Variants in BPNT2 observed in about 807,000 individuals in gnomAD.
The protein encoded by BPNT2 is 3'(2'), 5'-bisphosphate nucleotidase 2, also known as Golgi-resident adenosine 3',5'-bisphosphate 3'-phosphatase.
BPNT2 carries 11 observed loss-of-function variants against 29.3 expected under a neutral mutation model. The ratio of observed to expected loss-of-function variants is 0.38; its 90% CI spans 0.24 to 0.62. BPNT2 has a LOEUF of 0.62. Among genes scored for constraint, BPNT2 ranks in the 20% least tolerant of loss-of-function variants. BPNT2 has a pLI of 0.62. For synonymous variants in BPNT2, 195 were observed against 187.7 expected (o/e 1.04, Z -0.32); for missense variants, 459 against 473.4 (o/e 0.97, Z 0.28).
chr8:56,973,011 A>C (rs1203700772), intron 3 of BPNT2, among the ~76,000 whole-genome samples: 11 of 152,166 alleles, frequency 7.2e-5, no homozygotes, highest in Non-Finnish European at 1.6e-4. Context: ...CAAAACCGCT[A>C]ACCCCCGAGT....
chr8:56,991,213 A>G (rs1806411299), intron 1 of BPNT2, among the ~76,000 whole-genome samples: 1 of 152,230 alleles, frequency 6.6e-6, no homozygotes, highest in Non-Finnish European at 1.5e-5. Flanking sequence ...TGTATAAATG[A>G]TCACAAACCT....
At chr8:56,977,639 T>G (rs962501765) in intron 3 of BPNT2, among the ~76,000 whole-genome samples, 1 of 152,136 alleles carries the variant, frequency 6.6e-6, no homozygotes, top group Non-Finnish European at 1.5e-5. Flanking sequence ...TACGTTGAGA[T>G]GAGGTCACAC....
intron 2 of BPNT2, among the ~76,000 whole-genome samples, chr8:56,978,942 T>C (rs1806194082): frequency 6.6e-6 from 1 of 152,158 alleles, no homozygotes; most frequent in Admixed American, 6.6e-5. Context: ...TAATGGATAC[T>C]AGGCTTAATA....
At chr8:56,985,219 C>T (rs1806310059) in intron 1 of BPNT2, among the ~76,000 whole-genome samples, 1 of 152,116 alleles carries the variant, frequency 6.6e-6, no homozygotes, top group African/African-American at 2.4e-5. Flanking sequence ...AAATTTTCTT[C>T]ATTACTGTAG....
intron 1 of BPNT2, among the ~76,000 whole-genome samples, chr8:56,989,117 T>C (rs1487456110): frequency 1.3e-5 from 2 of 152,176 alleles, no homozygotes; most frequent in Non-Finnish European, 2.9e-5. Context: ...CCGCCTTATA[T>C]AGAGAATTAG....
At chr8:56,980,853 A>ACACAC (rs1806229401) in intron 1 of BPNT2, among the ~76,000 whole-genome samples, 5 of 111,046 alleles carry the variant, frequency 4.5e-5, no homozygotes, top group East Asian at 3.4e-4. Context: ...CACACACACA[A>ACACAC]ACCCCCCTTA....
chr8:56,963,647 A>G lies in BPNT2; in HGVS notation c.*146T>C, dbSNP rs1020922398. ...CCTGATTTTGCATTCTATTACAGGG[A>G]AAATAAGTCTCTGATGCTTCATAAA... On this transcript the variant is annotated 3_prime_UTR_variant, in exon 5 of 5. Coordinates refer to ENST00000262644, the MANE Select transcript of BPNT2 (RefSeq NM_017813.5). 5 of 846,280 alleles carry G rather than the reference A, an allele frequency of 5.9e-6. No individual in the cohort carries two copies. The highest frequency in any genetic ancestry group is 9.5e-6 in the Non-Finnish European group (5 of 527,706). The allele number at this position is 846,280 out of a possible 1,614,324, so 52.4% of individuals were successfully genotyped here. A position where few individuals can be genotyped will look rare whatever the true frequency, so the allele number is the denominator to read the frequency against.
chr8:56,977,112 T>C (rs1806153756), intron 3 of BPNT2, among the ~76,000 whole-genome samples: 1 of 152,204 alleles, frequency 6.6e-6, no homozygotes, highest in Non-Finnish European at 1.5e-5. Context: ...CTATCTCCAA[T>C]ATATCTCATT....
At chr8:56,977,464 G>A (rs1806160432) in intron 3 of BPNT2, among the ~76,000 whole-genome samples, 1 of 151,990 alleles carries the variant, frequency 6.6e-6, no homozygotes, top group Non-Finnish European at 1.5e-5. Context: ...CACTCTAATT[G>A]GCTTAAGAAC....
intron 2 of BPNT2, among the ~76,000 whole-genome samples, chr8:56,978,377 T>C (rs1238678544): frequency 1.3e-5 from 2 of 152,126 alleles, no homozygotes; most frequent in Non-Finnish European, 2.9e-5. Flanking sequence ...ATGGCTATTA[T>C]TAAAAAGTCA....
rs1805850246 is a variant in BPNT2, at chr8:56,962,242, T to C, written c.*1551A>G. 6.6e-6 allele frequency: 1 copy of C among 152,226 alleles called. No individual in the cohort carries two copies. Among genetic ancestry groups the C allele is most frequent in the Admixed American group, 6.5e-5 (1 of 15,282 alleles). The allele number at this position is 152,226 out of a possible 1,614,324, so 9.4% of individuals were successfully genotyped here. On this transcript the variant is annotated 3_prime_UTR_variant, in exon 5 of 5. Coordinates refer to ENST00000262644, the MANE Select transcript of BPNT2 (RefSeq NM_017813.5). ...TTGGGTGAAAACATTTGTGTCATAT[T>C]AGATTCAGTTTACTAATAAGAAAGT...
At chr8:56,987,563 T>C (rs1351102942) in intron 1 of BPNT2, among the ~76,000 whole-genome samples, 1 of 152,088 alleles carries the variant, frequency 6.6e-6, no homozygotes, top group Non-Finnish European at 1.5e-5. Flanking sequence ...TTGGACTGAA[T>C]CACATCACTT....
intron 1 of BPNT2, among the ~76,000 whole-genome samples, chr8:56,989,630 T>C (rs1244177649): frequency 4.6e-5 from 7 of 152,166 alleles, no homozygotes; most frequent in Non-Finnish European, 1.0e-4. Context: ...CCATGGCCTG[T>C]TTTAACAGTC....
Position 56,980,166 on chromosome 8 carries a change from T to C in BPNT2, c.419A>G (p.Asp140Gly). Residue 140 changes from aspartate to glycine, a missense_variant, in exon 2 of 5, where the codon GAT (aspartate) becomes GGT (glycine). Coordinates refer to ENST00000262644, the MANE Select transcript of BPNT2 (RefSeq NM_017813.5). Reference protein sequence around the residue: ...INTEEHVDAADQEVILWDHKI... With the variant: ...INTEEHVDAAGQEVILWDHKI... ...ATGATCCCACAAGATAACCTCCTGATCAGCTGCATCCACGTGTTCCTCAGT... is the reference window on the plus strand; with the variant it reads ...ATGATCCCACAAGATAACCTCCTGACCAGCTGCATCCACGTGTTCCTCAGT... 1 of 1,613,846 alleles carries C rather than the reference T, an allele frequency of 6.2e-7. No individual in the cohort carries two copies. Among genetic ancestry groups the C allele is most frequent in the Non-Finnish European group, 8.5e-7 (1 of 1,179,810 alleles).
intron 1 of BPNT2, among the ~76,000 whole-genome samples, chr8:56,983,513 C>T (rs1382161648): frequency 6.6e-6 from 1 of 152,062 alleles, no homozygotes; most frequent in Non-Finnish European, 1.5e-5. Flanking sequence ...TGGTGAAGGA[C>T]CTCGCAGGCT....
intron 1 of BPNT2, 108 bp downstream of exon 1, chr8:56,993,091 C>A: frequency 2.6e-6 from 4 of 1,525,364 alleles, no homozygotes; most frequent in Non-Finnish European, 3.5e-6. Flanking sequence ...GTCTCAATTT[C>A]CACATCTACA....
intron 2 of BPNT2, 145 bp from the exon 3 acceptor site, chr8:56,978,290 T>G: frequency 1.5e-6 from 1 of 681,264 alleles, no homozygotes; most frequent in Admixed American, 2.1e-5. Flanking sequence ...GCAAACAGAG[T>G]CTGAGGGCAA....
intron 4 of BPNT2, chr8:56,964,399 A>C: frequency 4.4e-6 from 1 of 225,684 alleles, no homozygotes; most frequent in Non-Finnish European, 8.8e-6. Flanking sequence ...CTCGGGTTCA[A>C]GCGATTCTCC....
chr8:56,967,635 A>G (rs1050165085), intron 3 of BPNT2, among the ~76,000 whole-genome samples: 2 of 152,166 alleles, frequency 1.3e-5, no homozygotes, highest in African/African-American at 4.8e-5. Context: ...GCAACAAAGC[A>G]TCAAGCAGCA....
Sources: gnomAD v4.1 joint callset for allele counts (sites outside exome capture counted in the v4.1 genomes callset) on GRCh38, gnomAD v4.1.1 for gene constraint, MANE v1.5 for transcripts, NCBI Gene and HGNC (gene_info 2026-07-23, HGNC 2026-07-21) for gene names.